The following KIF1A variants were observed in gnomAD, a reference collection of about 807,000 sequenced individuals.
The protein encoded by KIF1A is kinesin-like protein KIF1A.
A neutral mutation model predicts 227.3 loss-of-function variants in KIF1A; 46 were observed. The observed-to-expected ratio is 0.20, with a 90% CI of 0.16 to 0.26. The LOEUF (loss-of-function observed/expected upper bound fraction) is 0.26. KIF1A is among the 10% of genes least tolerant of loss of function. The pLI is 1.00. For synonymous variants in KIF1A, 1,022 were observed against 1,012.8 expected (o/e 1.01, Z -0.17); for missense variants, 1,683 against 2,485.9 (o/e 0.68, Z 6.87).
In KIF1A at chr2:240,717,350, G is replaced by C. The variant is rs949782720; in HGVS notation, c.*14C>G. 6.2e-7 allele frequency: 1 copy of C among 1,610,108 alleles called. No individual in the cohort carries two copies. Among genetic ancestry groups the C allele is most frequent in the East Asian group, 2.2e-5 (1 of 44,856 alleles). Reference sequence around the variant, plus strand: ...ATGGGCTGGGCCTGCCGGCTGTCACGGGAGGGCTCAGGTTCAGACCCGCAT... The same window carrying C: ...ATGGGCTGGGCCTGCCGGCTGTCACCGGAGGGCTCAGGTTCAGACCCGCAT... On this transcript the variant is annotated 3_prime_UTR_variant, in exon 49 of 49. Transcript: ENST00000498729.
chr2:240,758,744 G>C lies in KIF1A; in HGVS notation c.2445-247C>G, dbSNP rs1207919925. 6.6e-6 allele frequency among the ~76,000 whole-genome samples: 1 copy of C among 152,152 alleles called. No homozygotes were observed. Among genetic ancestry groups the C allele is most frequent in the African/African-American group, 2.4e-5 (1 of 41,422 alleles). On this transcript the variant is annotated intron_variant, in intron 25 of 48. Coordinates refer to ENST00000498729, the MANE Select transcript of KIF1A (RefSeq NM_001244008.2). This position sits in a 1 kb window ranked among gnomAD's most constrained non-coding sequence, Gnocchi z 5.2. The stretch of plus-strand genomic sequence containing the variant: ...ACAGCTCCTCCCAAACTCCCTCCAG[G>C]GGGTGGGCTGGGGAACAAGCAGTGA...
intron 1 of KIF1A, among the ~76,000 whole-genome samples, chr2:240,815,474 G>A (rs1349303871): frequency 6.6e-6 from 1 of 152,164 alleles, no homozygotes; most frequent in Non-Finnish European, 1.5e-5. Context: ...GGAAGGGGGT[G>A]CCTGTCATTC....
At position 240,752,284 on chromosome 2, in the gene KIF1A, C is replaced by T. The variant is rs564590675; in HGVS notation, c.2859-1737G>A. ...GGGCTGGAGCTCCACTGCCCTGGGCCACCCACCCAGGTTATGTCCAGAAGC... is the reference window on the plus strand; with the variant it reads ...GGGCTGGAGCTCCACTGCCCTGGGCTACCCACCCAGGTTATGTCCAGAAGC... On this transcript the variant is annotated intron_variant, in intron 27 of 48. Transcript: ENST00000498729. This position sits in a 1 kb window ranked among gnomAD's most constrained non-coding sequence, Gnocchi z 6.4. Among the ~76,000 whole-genome samples the T allele has an allele frequency of 1.3e-5, 2 of 152,116 alleles. No individual in the cohort carries two copies. The highest frequency in any genetic ancestry group is 2.9e-5 in the Non-Finnish European group (2 of 68,002).
intron 10 of KIF1A, chr2:240,782,014 G>A: frequency 9.1e-6 from 9 of 985,372 alleles, no homozygotes; most frequent in Non-Finnish European, 1.1e-5. Flanking sequence ...GGTGGCGCCC[G>A]CCCTGTCTCA....
chr2:240,772,900 G>A (rs780966160), intron 13 of KIF1A, among the ~76,000 whole-genome samples: 28 of 152,206 alleles, frequency 1.8e-4, no homozygotes, highest in African/African-American at 3.1e-4. Flanking sequence ...CAGGGCCCCC[G>A]CCCGGCCTCC....
At chr2:240,750,011 C>T (rs2049028750) in intron 28 of KIF1A, among the ~76,000 whole-genome samples, 1 of 152,258 alleles carries the variant, frequency 6.6e-6, no homozygotes, top group Non-Finnish European at 1.5e-5. Flanking sequence ...TGACAGAGAG[C>T]ACTTGCTCTG....
chr2:240,738,949 C>T lies in KIF1A; in HGVS notation c.3901+1109G>A, dbSNP rs1427830310. On this transcript the variant is annotated intron_variant, in intron 37 of 48. Transcript: ENST00000498729. ...CTACCGTGTGGCCGGGTCCATAAAC[C>T]AGCTGTGTATTTGCTTACGTTCTGC... 2.0e-5 allele frequency among the ~76,000 whole-genome samples: 3 copies of T among 152,274 alleles called. No homozygotes were observed. The East Asian group carries it at 5.8e-4, about 29-fold the overall frequency.
rs926565262 is a variant in KIF1A at position 240,758,038 on chromosome 2, C to CA, written c.2582+321dup. ...TCCATGTTCCCACCCTCAGGACCAACAGGTGACCTGGAAAGTTTGCTTGGG... is the reference window on the plus strand; with the variant it reads ...TCCATGTTCCCACCCTCAGGACCAACAAGGTGACCTGGAAAGTTTGCTTGGG... On this transcript the variant is annotated intron_variant, in intron 26 of 48. Transcript: ENST00000498729. The surrounding 1 kb of genome is among the most constrained non-coding windows in gnomAD (Gnocchi z 5.2). Among the ~76,000 whole-genome samples, 2 of 152,242 alleles carry CA rather than the reference C, an allele frequency of 1.3e-5. No homozygotes were observed. The highest frequency in any genetic ancestry group is 4.8e-5 in the African/African-American group (2 of 41,468).
chr2:240,733,472 C>T (rs2046986744), intron 38 of KIF1A, among the ~76,000 whole-genome samples: 1 of 152,178 alleles, frequency 6.6e-6, no homozygotes, highest in Non-Finnish European at 1.5e-5. Flanking sequence ...CTGCTGCATC[C>T]AGGTCCCCAG....
intron 45 of KIF1A, 177 bp from the exon 46 acceptor site, chr2:240,720,103 C>T (rs2045124409): frequency 1.9e-6 from 1 of 527,626 alleles, no homozygotes; most frequent in Admixed American, 4.0e-5. Context: ...GATAGCCAAG[C>T]TTGTGCCCGA....
At chr2:240,774,353 A>T in intron 11 of KIF1A, 92 bp from the exon 12 acceptor site, 1 of 712,838 alleles carries the variant, frequency 1.4e-6, no homozygotes, top group African/African-American at 1.9e-5. Context: ...ACAGATGGGG[A>T]GGCTGAGGCC....
At chr2:240,734,603 G>A in intron 38 of KIF1A, 3 of 608,978 alleles carry the variant, frequency 4.9e-6, no homozygotes. Flanking sequence ...TGTGTGAGGA[G>A]TCCAGGAAGC....
intron 14 of KIF1A, among the ~76,000 whole-genome samples, chr2:240,772,245 C>T (rs1315634600): frequency 1.3e-5 from 2 of 152,180 alleles, no homozygotes; most frequent in East Asian, 3.9e-4. Flanking sequence ...CCTTTGGGTG[C>T]ACAGGGGGTC....
intron 38 of KIF1A, among the ~76,000 whole-genome samples, chr2:240,729,542 G>A (rs2046380808): frequency 6.6e-6 from 1 of 152,246 alleles, no homozygotes. Flanking sequence ...CAGTGAGGCA[G>A]GCAGGACTCC....
At chr2:240,727,402 C>G (rs1163885908) in intron 38 of KIF1A, among the ~76,000 whole-genome samples, 1 of 152,108 alleles carries the variant, frequency 6.6e-6, no homozygotes, top group Non-Finnish European at 1.5e-5. Flanking sequence ...CTGCGCGGGC[C>G]CACCCCAGCC....
intron 1 of KIF1A, among the ~76,000 whole-genome samples, chr2:240,814,876 C>A (rs773390791): frequency 6.2e-4 from 94 of 152,188 alleles, no homozygotes; most frequent in Non-Finnish European, 1.3e-4. Context: ...GTGACTGCAC[C>A]ACTGCACTCC....
chr2:240,783,079 T>C lies in KIF1A; in HGVS notation c.829A>G (p.Thr277Ala). The C allele has an allele frequency of 6.2e-7, 1 of 1,613,690 alleles. No homozygotes were observed. Among genetic ancestry groups the C allele is most frequent in the Non-Finnish European group, 8.5e-7 (1 of 1,179,808 alleles). ...EGANINKSLT[T>A]LGKVISALAE... ...AGGGCGGAGATGACCTTGCCCAGGG[T>C]GGTCAGCGACTTGTTGATGTTGGCC... is the stretch of plus-strand genomic sequence containing the variant. Residue 277 changes from threonine to alanine, a missense_variant, in exon 9 of 49, where the codon ACC becomes GCC. Physicochemically the swap from Thr to Ala is moderately conservative, Grantham distance 58. Coordinates refer to ENST00000498729, the MANE Select transcript of KIF1A (RefSeq NM_001244008.2).
intron 38 of KIF1A, among the ~76,000 whole-genome samples, chr2:240,728,898 C>T (rs904090808): frequency 6.6e-6 from 1 of 152,198 alleles, no homozygotes; most frequent in African/African-American, 2.4e-5. Flanking sequence ...TACCATGGGG[C>T]AGTAATTGCC....
intron 8 of KIF1A, 95 bp from the exon 9 acceptor site, chr2:240,783,204 G>T: frequency 2.1e-6 from 2 of 960,322 alleles, no homozygotes; most frequent in Non-Finnish European, 3.4e-6. Flanking sequence ...GCAGTGTGGA[G>T]TGGAGGCCAC....
Sources: allele counts gnomAD v4.1 joint callset (sites outside exome capture counted in the v4.1 genomes callset), GRCh38; gene constraint gnomAD v4.1.1; non-coding constraint Gnocchi (gnomAD v3.1); transcripts MANE v1.5; gene names NCBI Gene and HGNC (gene_info 2026-07-23, HGNC 2026-07-21).